Variants in DGKI observed in about 807,000 individuals in gnomAD.
The protein encoded by DGKI is diacylglycerol kinase iota, also known as DAG kinase iota.
Under a neutral mutation model 147.5 loss-of-function variants are expected in DGKI, and 55 were observed. The ratio of observed to expected loss-of-function variants is 0.37; its 90% CI spans 0.30 to 0.47. DGKI has a LOEUF of 0.47. Among genes scored for constraint, DGKI ranks in the 20% least tolerant of loss-of-function variants. DGKI has a pLI of 1.00. For synonymous variants in DGKI, 469 were observed against 477.1 expected (o/e 0.98, Z 0.22); for missense variants, 1,007 against 1,323.8 (o/e 0.76, Z 3.71).
intron 12 of DGKI, among the ~76,000 whole-genome samples, chr7:137,596,052 G>GGAA (rs1819787881): frequency 7.0e-6 from 1 of 142,122 alleles, no homozygotes; most frequent in South Asian, 2.3e-4. Flanking sequence ...GAAAAGAAAA[G>GGAA]GAAGAAGAAA....
At chr7:137,831,421 C>A (rs545812766) in intron 1 of DGKI, among the ~76,000 whole-genome samples, 10 of 152,276 alleles carry the variant, frequency 6.6e-5, no homozygotes, top group African/African-American at 2.4e-4. Context: ...TCGTGGCAGA[C>A]GGCAAGGAGG....
chr7:137,599,931 G>T (rs369989075), intron 10 of DGKI, 26 bp from the exon 11 acceptor site: 54 of 1,569,734 alleles, frequency 3.4e-5, no homozygotes, highest in Non-Finnish European at 4.6e-5. Context: ...ACACAAAAAG[G>T]CAATAATAGG....
intron 6 of DGKI, among the ~76,000 whole-genome samples, chr7:137,640,774 C>T (rs932060363): frequency 1.3e-5 from 2 of 152,150 alleles, no homozygotes; most frequent in African/African-American, 2.4e-5. Context: ...GTATAATTTA[C>T]ATATTGTACC....
chr7:137,402,165 CT>C (rs1201971315), intron 30 of DGKI, among the ~76,000 whole-genome samples: 1 of 152,064 alleles, frequency 6.6e-6, no homozygotes, highest in Non-Finnish European at 1.5e-5. Context: ...GTTACAGAAA[CT>C]TTTTTTTCCT....
intron 1 of DGKI, among the ~76,000 whole-genome samples, chr7:137,712,258 G>T (rs996768633): frequency 2.0e-5 from 3 of 152,070 alleles, no homozygotes; most frequent in African/African-American, 7.2e-5. Flanking sequence ...AATGGGTAGG[G>T]AATACTCAGA....
intron 1 of DGKI, among the ~76,000 whole-genome samples, chr7:137,775,564 C>T (rs1326204179): frequency 6.6e-6 from 1 of 152,180 alleles, no homozygotes; most frequent in Non-Finnish European, 1.5e-5. Context: ...TGCATGTGCA[C>T]ACAAGATGTG....
intron 27 of DGKI, among the ~76,000 whole-genome samples, chr7:137,460,886 A>G (rs1814414807): frequency 6.6e-6 from 1 of 152,234 alleles, no homozygotes; most frequent in African/African-American, 2.4e-5. Context: ...GGCCTTCTAT[A>G]TAATTTTTAC....
intron 17 of DGKI, among the ~76,000 whole-genome samples, chr7:137,577,017 C>T (rs112203763): frequency 2.6e-5 from 4 of 152,210 alleles, no homozygotes; most frequent in African/African-American, 4.8e-5. Context: ...TCTTCAGGAG[C>T]GAAACTAGTC....
At chr7:137,756,544 A>G (rs1341515394) in intron 1 of DGKI, among the ~76,000 whole-genome samples, 1 of 152,238 alleles carries the variant, frequency 6.6e-6, no homozygotes, top group Non-Finnish European at 1.5e-5. Flanking sequence ...ATAAAAAGGA[A>G]TTGAACTCCT....
chr7:137,596,035 A>G (rs1429653787), intron 12 of DGKI, among the ~76,000 whole-genome samples: 4 of 124,148 alleles, frequency 3.2e-5, no homozygotes, highest in Non-Finnish European at 6.9e-5. Context: ...AAAAAAAAAG[A>G]AAGAAAGAAA....
chr7:137,541,899 T>A (rs980157317), intron 20 of DGKI, among the ~76,000 whole-genome samples: 1 of 150,224 alleles, frequency 6.7e-6, no homozygotes, highest in African/African-American at 2.5e-5. Context: ...AAAAAAAAAA[T>A]CATCTGGATT....
chr7:137,679,909 T>C (rs971522064), intron 2 of DGKI, among the ~76,000 whole-genome samples: 1 of 147,334 alleles, frequency 6.8e-6, no homozygotes, highest in African/African-American at 2.6e-5. Flanking sequence ...GAGAATCACT[T>C]GAACCTGGGA....
chr7:137,611,523 G>A (rs550719661), intron 8 of DGKI, among the ~76,000 whole-genome samples: 22 of 152,242 alleles, frequency 1.4e-4, no homozygotes, highest in Middle Eastern at 3.4e-3. Flanking sequence ...ATATACGTCT[G>A]GTATGGACTC....
chr7:137,506,033 T>C (rs868410924), intron 21 of DGKI, among the ~76,000 whole-genome samples: 1 of 152,190 alleles, frequency 6.6e-6, no homozygotes, highest in Non-Finnish European at 1.5e-5. Context: ...CACAGCCACG[T>C]TGAAAGACAG....
chr7:137,762,798 C>G lies in DGKI; in HGVS notation c.402-72796G>C, dbSNP rs556328056. 6.6e-5 allele frequency among the ~76,000 whole-genome samples: 10 copies of G among 152,294 alleles called. No homozygotes were observed. The South Asian group carries it at 2.1e-3, about 32-fold the overall frequency. On this transcript the variant is annotated intron_variant, in intron 1 of 32. Coordinates refer to ENST00000614521, the MANE Select transcript of DGKI (RefSeq NM_001321708.2). ...ACCTCCACCAAAGTATTACAGGATA[C>G]GTCTGCCTCCTGCTCTCCTTGCTAT...
intron 5 of DGKI, among the ~76,000 whole-genome samples, chr7:137,652,621 C>T (rs1030538358): frequency 6.6e-6 from 1 of 152,166 alleles, no homozygotes; most frequent in African/African-American, 2.4e-5. Context: ...TCACCCTGCG[C>T]ATGGCCCACA....
At chr7:137,520,612 T>C (rs1270571216) in intron 21 of DGKI, among the ~76,000 whole-genome samples, 1 of 152,030 alleles carries the variant, frequency 6.6e-6, no homozygotes, top group Non-Finnish European at 1.5e-5. Flanking sequence ...AATTAAAAGA[T>C]ATTGATGTCT....
chr7:137,465,835 T>A, intron 26 of DGKI, 73 bp downstream of exon 26: 1 of 1,544,040 alleles, frequency 6.5e-7, no homozygotes, highest in Non-Finnish European at 8.7e-7. Flanking sequence ...TAGAACGATG[T>A]CAAGTTCAAA....
At chr7:137,756,170 T>G (rs371619282) in intron 1 of DGKI, among the ~76,000 whole-genome samples, 1 of 152,188 alleles carries the variant, frequency 6.6e-6, no homozygotes, top group South Asian at 2.1e-4. Flanking sequence ...ACCAAGCAGA[T>G]AGGAGATCTC....
Sources: allele counts gnomAD v4.1 joint callset (sites outside exome capture counted in the v4.1 genomes callset), GRCh38; gene constraint gnomAD v4.1.1; transcripts MANE v1.5; gene names NCBI Gene and HGNC (gene_info 2026-07-23, HGNC 2026-07-21).